Variants in MMD2 observed in about 807,000 individuals in gnomAD.
The protein encoded by MMD2 is monocyte to macrophage differentiation factor 2.
MMD2 carries 30 observed loss-of-function variants against 33.5 expected under a neutral mutation model. The ratio of observed to expected loss-of-function variants is 0.90; its 90% CI spans 0.67 to 1.22. MMD2 has a LOEUF of 1.22. Among genes scored for constraint, MMD2 ranks in the 50% most tolerant of loss-of-function variants. The pLI, the probability that MMD2 is intolerant of heterozygous loss-of-function variation, is 0.00. For synonymous variants in MMD2, 129 were observed against 123.0 expected, an observed-to-expected ratio of 1.05 and a Z score of -0.32; for missense variants, 364 against 325.4, an observed-to-expected ratio of 1.12 and a Z score of -0.91.
the MMD2 span, among the ~76,000 whole-genome samples, chr7:4,899,236 C>G: frequency 6.6e-6 from 1 of 152,056 alleles, no homozygotes; most frequent in African/African-American, 2.4e-5. Flanking sequence ...AAATAAATTC[C>G]TGTTGTTTAT....
chr7:4,955,951 G>A (rs962836618), intron 1 of MMD2, among the ~76,000 whole-genome samples: 3 of 152,218 alleles, frequency 2.0e-5, no homozygotes, highest in Admixed American at 6.5e-5. Context: ...TACTTGGGAG[G>A]CTGAGGCAGG....
chr7:4,944,437 T>G (rs1366410133), intron 1 of MMD2, among the ~76,000 whole-genome samples: 1 of 152,140 alleles, frequency 6.6e-6, no homozygotes, highest in Non-Finnish European at 1.5e-5. Flanking sequence ...CCAAGAGGCA[T>G]GACCTGGGCC....
At chr7:4,952,241 C>T (rs900959493) in intron 1 of MMD2, among the ~76,000 whole-genome samples, 1 of 152,206 alleles carries the variant, frequency 6.6e-6, no homozygotes, top group Non-Finnish European at 1.5e-5. Flanking sequence ...GGGGCCATCC[C>T]CTGCTCATTC....
At chr7:4,899,393 C>CT in the MMD2 span, among the ~76,000 whole-genome samples, 3,427 of 145,186 alleles carry the variant, frequency 0.024, 75 homozygotes, top group African/African-American at 0.062. Flanking sequence ...ATGTATTTTT[C>CT]TTTTTTTTTT....
Position 4,946,188 on chromosome 7 carries a change from C to A in MMD2, c.47+12783G>T, listed in dbSNP as rs112960810. Among the ~76,000 whole-genome samples, 128 of 151,554 alleles carry A rather than the reference C, an allele frequency of 8.4e-4. 1 individual carries two copies. Among genetic ancestry groups the A allele is most frequent in the African/African-American group, 2.9e-3 (119 of 41,336 alleles). ...ACCTGCACACATGCACACACACGCG[C>A]GCACACCCACACACACGCATGCACA... is the stretch of plus-strand genomic sequence containing the variant. On this transcript the variant is annotated intron_variant, in intron 1 of 6. Transcript: ENST00000401401. This position sits in a 1 kb window ranked among gnomAD's most constrained non-coding sequence, Gnocchi z 5.0.
chr7:4,912,695 G>T (rs376050141), intron 4 of MMD2, among the ~76,000 whole-genome samples: 13 of 152,068 alleles, frequency 8.5e-5, no homozygotes, highest in African/African-American at 2.7e-4. Flanking sequence ...GTTTTTTCTG[G>T]AATGAATTTC....
intron 1 of MMD2, among the ~76,000 whole-genome samples, chr7:4,942,182 G>A (rs1583393288): frequency 1.3e-5 from 2 of 152,158 alleles, no homozygotes; most frequent in South Asian, 4.1e-4. Context: ...TTGAACTCCT[G>A]ACCTCAGATG....
the MMD2 span, among the ~76,000 whole-genome samples, chr7:4,897,365 A>G: frequency 1.3e-5 from 2 of 152,138 alleles, no homozygotes; most frequent in African/African-American, 4.8e-5. Flanking sequence ...TTTATCAAAT[A>G]CTGTGTTAAT....
In MMD2 at chr7:4,926,303, G is replaced by A. The variant is rs568428855; in HGVS notation, c.48-771C>T. Among the ~76,000 whole-genome samples the A allele has an allele frequency of 2.6e-5, 4 of 151,798 alleles. No individual in the cohort carries two copies. The East Asian group carries it at 5.8e-4, about 22-fold the overall frequency. Reference sequence around the variant, plus strand: ...TTTTATAGAGACAGGGTTTAATCACGTTGCCCAGGCTGGTCCCGAACTCCA... The same window carrying A: ...TTTTATAGAGACAGGGTTTAATCACATTGCCCAGGCTGGTCCCGAACTCCA... On this transcript the variant is annotated intron_variant, in intron 1 of 6. Coordinates refer to ENST00000401401, the MANE Select transcript of MMD2 (RefSeq NM_198403.4).
At chr7:4,937,534 G>T (rs1785776351) in intron 1 of MMD2, among the ~76,000 whole-genome samples, 1 of 151,948 alleles carries the variant, frequency 6.6e-6, no homozygotes, top group African/African-American at 2.4e-5. Flanking sequence ...ATAATGACAG[G>T]TTCTCGCCCT....
intron 1 of MMD2, among the ~76,000 whole-genome samples, chr7:4,956,309 C>T (rs1049686000): frequency 1.3e-5 from 2 of 151,748 alleles, no homozygotes; most frequent in African/African-American, 2.4e-5. Context: ...ACCTGTAGTC[C>T]CAGCTACTCA....
At position 4,925,464 on chromosome 7, in the gene MMD2, C is replaced by G; in HGVS notation, c.116G>C (p.Cys39Ser). 1 of 1,564,540 alleles carries G rather than the reference C, an allele frequency of 6.4e-7. No homozygotes were observed. The highest frequency in any genetic ancestry group is 8.7e-7 in the Non-Finnish European group (1 of 1,152,276). The change falls in exon 2 of 7, where the codon TGT becomes TCT. Residue 39 changes from cysteine (C) to serine (S), a missense_variant. Physicochemically the swap from Cys to Ser is moderately radical, Grantham distance 112. Coordinates refer to ENST00000401401, the MANE Select transcript of MMD2 (RefSeq NM_198403.4). ...AAGCCAACTCACAGCATGGGTGGCACAGTTGGCCGCATGTTCATACTCTGT... is the reference window on the plus strand; with the variant it reads ...AAGCCAACTCACAGCATGGGTGGCAGAGTTGGCCGCATGTTCATACTCTGT... ...QPTEYEHAAN[C>S]ATHAFWIIPS... is the part of the protein sequence containing the mutation.
At chr7:4,912,994 C>T (rs551162858) in intron 4 of MMD2, among the ~76,000 whole-genome samples, 36 of 152,230 alleles carry the variant, frequency 2.4e-4, no homozygotes, top group African/African-American at 8.2e-4. Flanking sequence ...GTGAGCCACG[C>T]GCCTGGCCTG....
chr7:4,929,543 G>C (rs1785519903), intron 1 of MMD2, among the ~76,000 whole-genome samples: 1 of 146,920 alleles, frequency 6.8e-6, no homozygotes, highest in East Asian at 2.2e-4. Flanking sequence ...TTTTTTTTTT[G>C]AGACGGAGTC....
chr7:4,925,096 A>G (rs1185912104), intron 2 of MMD2, among the ~76,000 whole-genome samples: 1 of 151,924 alleles, frequency 6.6e-6, no homozygotes, highest in African/African-American at 2.4e-5. Flanking sequence ...ATGCCCAGCT[A>G]ATTTTTGTAG....
intron 2 of MMD2, among the ~76,000 whole-genome samples, chr7:4,921,818 T>C (rs1011976699): frequency 1.1e-4 from 16 of 152,150 alleles, no homozygotes; most frequent in African/African-American, 3.6e-4. Flanking sequence ...CAGAATGGGA[T>C]GGCTCCTTAA....
Position 4,907,572 on chromosome 7 carries a change from C to T in MMD2, c.565G>A (p.Val189Met). The change falls in exon 7 of 7, where the codon GTG (valine) becomes ATG (methionine). Residue 189 changes from valine (V) to methionine (M), a missense_variant. Transcript: ENST00000401401. Reference sequence around the variant, plus strand: ...AGGCAGTAGAAGACCCCTCCGGTCACCAGCTCCCAGATGCCCTCGGTGTTG... The same window carrying T: ...AGGCAGTAGAAGACCCCTCCGGTCATCAGCTCCCAGATGCCCTCGGTGTTG... ...MPNTEGIWEL[V>M]TGGVFYCLGM... is the part of the protein sequence containing the mutation. The T allele has an allele frequency of 1.2e-6, 2 of 1,612,816 alleles. No individual in the cohort carries two copies. Among genetic ancestry groups the T allele is most frequent in the Non-Finnish European group, 1.7e-6 (2 of 1,179,852 alleles).
At chr7:4,944,579 T>A (rs1202814579) in intron 1 of MMD2, among the ~76,000 whole-genome samples, 3 of 152,206 alleles carry the variant, frequency 2.0e-5, no homozygotes, top group African/African-American at 7.2e-5. Flanking sequence ...GGAATGGCCA[T>A]TCTCCACCAG....
chr7:4,909,102 C>T (rs1397439879), intron 6 of MMD2, among the ~76,000 whole-genome samples: 1 of 151,468 alleles, frequency 6.6e-6, no homozygotes, highest in Non-Finnish European at 1.5e-5. Context: ...TGCTTCATGG[C>T]AAAAAATATT....
Sources: gnomAD v4.1 joint callset for allele counts (sites outside exome capture counted in the v4.1 genomes callset) on GRCh38, gnomAD v4.1.1 for gene constraint, Gnocchi (gnomAD v3.1) non-coding constraint, MANE v1.5 for transcripts, NCBI Gene and HGNC (gene_info 2026-07-23, HGNC 2026-07-21) for gene names.